The following ITGA11 variants were observed in gnomAD, a reference collection of about 807,000 sequenced individuals.
ITGA11 encodes integrin subunit alpha 11, also known as integrin alpha-11.
ITGA11 carries 97 observed loss-of-function variants against 141.9 expected under a neutral mutation model. The observed-to-expected ratio is 0.68, with a 90% CI of 0.58 to 0.81. The LOEUF (loss-of-function observed/expected upper bound fraction) is 0.81, where lower values mean the gene tolerates loss of function less well. Among genes scored for constraint, ITGA11 ranks in the 30% least tolerant of loss-of-function variants. The probability of loss-of-function intolerance (pLI) is 0.00; values close to 1 mark genes in which losing one functional copy is unlikely to be tolerated. For synonymous variants in ITGA11, 658 were observed against 624.6 expected (o/e 1.05, Z -0.80); for missense variants, 1,387 against 1,559.2 (o/e 0.89, Z 1.86).
rs11633421 is a variant in ITGA11, at chr15:68,321,104, C to G, written c.2408+314G>C. Among the ~76,000 whole-genome samples the G allele has an allele frequency of 0.11, 17,170 of 151,914 alleles. 1,283 individuals are homozygous for G. The highest frequency in any genetic ancestry group is 0.17 in the Non-Finnish European group (11,597 of 67,952). ...GGCTGAAGGACAAGCACCCAGAACT[C>G]CAGAGACTCCTGTCTCTACCTTTCA... On this transcript the variant is annotated intron_variant, in intron 19 of 29. Coordinates refer to ENST00000315757, the MANE Select transcript of ITGA11 (RefSeq NM_001004439.2). This position sits in a 1 kb window ranked among gnomAD's most constrained non-coding sequence, Gnocchi z 4.9.
chr15:68,353,178 T>C (rs1455871767), intron 7 of ITGA11, among the ~76,000 whole-genome samples: 1 of 152,062 alleles, frequency 6.6e-6, no homozygotes, highest in Non-Finnish European at 1.5e-5. Flanking sequence ...AATTTAGGAG[T>C]TGAGGAATTT....
chr15:68,367,776 C>T (rs762439665), intron 3 of ITGA11, among the ~76,000 whole-genome samples: 4 of 152,198 alleles, frequency 2.6e-5, no homozygotes, highest in Admixed American at 6.5e-5. Context: ...CGAGTCCAGC[C>T]TCCTTGCTTT....
At chr15:68,369,392 G>GGGGGGGGGGA in intron 2 of ITGA11, 108 bp from the exon 3 acceptor site, 4 of 187,566 alleles carry the variant, frequency 2.1e-5, no homozygotes, top group Admixed American at 6.7e-5. Context: ...GGGAGGGTGG[G>GGGGGGGGGGA]AGGGAACCCT....
In ITGA11 at chr15:68,326,250, C is replaced by A. The variant is rs955729624; in HGVS notation, c.2211+404G>T. Among the ~76,000 whole-genome samples, 1 of 152,198 alleles carries A rather than the reference C, an allele frequency of 6.6e-6. No homozygotes were observed. The highest frequency in any genetic ancestry group is 1.5e-5 in the Non-Finnish European group (1 of 68,042). On this transcript the variant is annotated intron_variant, in intron 17 of 29. Coordinates refer to ENST00000315757, the MANE Select transcript of ITGA11 (RefSeq NM_001004439.2). The surrounding 1 kb of genome is among the most constrained non-coding windows in gnomAD (Gnocchi z 6.8). ...ACTACCCTACTTGTGACATCACTGG[C>A]GCCCCTCTCTGTCTCACCTCCTGTT...
At chr15:68,331,516 A>C (rs545317829) in intron 14 of ITGA11, among the ~76,000 whole-genome samples, 2 of 150,784 alleles carry the variant, frequency 1.3e-5, no homozygotes, top group East Asian at 3.9e-4. Flanking sequence ...TTTCCAGAGA[A>C]GAGTGAGCCC....
intron 2 of ITGA11, among the ~76,000 whole-genome samples, chr15:68,372,167 T>TTC (rs995525108): frequency 6.6e-6 from 1 of 152,182 alleles, no homozygotes; most frequent in Non-Finnish European, 1.5e-5. Flanking sequence ...GGGTCAGCCC[T>TTC]TCTCTCCATT....
In ITGA11 at chr15:68,331,976, G is replaced by A. The variant is rs746212873; in HGVS notation, c.1653C>T (p.Asp551=). 1 of 1,613,174 alleles carries A rather than the reference G, an allele frequency of 6.2e-7. No individual in the cohort carries two copies. Among genetic ancestry groups the A allele is most frequent in the South Asian group, 1.1e-5 (1 of 90,766 alleles). ...CGTCATTGTAGGAATCCTGGTTGAGGTCTCGAACTGAGGCAATGGAGGACC... is the reference window on the plus strand; with the variant it reads ...CGTCATTGTAGGAATCCTGGTTGAGATCTCGAACTGAGGCAATGGAGGACC... ...RFGSSIASVR[D]LNQDSYNDVV... Residue 551 remains aspartate (D), a synonymous_variant, in exon 14 of 30, where the codon GAC becomes GAT. Transcript: ENST00000315757.
At chr15:68,421,469 T>C (rs1897015112) in intron 1 of ITGA11, among the ~76,000 whole-genome samples, 1 of 152,084 alleles carries the variant, frequency 6.6e-6, no homozygotes, top group Non-Finnish European at 1.5e-5. Context: ...CATGACATGA[T>C]GTGACCTACA....
At chr15:68,395,894 T>A (rs904935557) in intron 2 of ITGA11, among the ~76,000 whole-genome samples, 1 of 150,396 alleles carries the variant, frequency 6.6e-6, no homozygotes, top group Admixed American at 6.6e-5. Context: ...AAAAAAGAAG[T>A]TGAATCTATA....
chr15:68,364,444 T>C (rs917728249), intron 4 of ITGA11, among the ~76,000 whole-genome samples: 25 of 152,222 alleles, frequency 1.6e-4, no homozygotes, highest in African/African-American at 5.8e-4. Flanking sequence ...TCCTTCGGGA[T>C]ATGCACACAA....
chr15:68,403,799 C>T (rs1595893581), intron 1 of ITGA11, among the ~76,000 whole-genome samples: 2 of 151,754 alleles, frequency 1.3e-5, no homozygotes, highest in African/African-American at 2.4e-5. Flanking sequence ...TGTGCCTGGT[C>T]GATTTTTATT....
Position 68,300,999 on chromosome 15 carries a change from C to T in ITGA11, c.*2060G>A, listed in dbSNP as rs1893012491. 2.0e-5 allele frequency: 3 copies of T among 152,110 alleles called. No homozygotes were observed. The highest frequency in any genetic ancestry group is 7.2e-5 in the African/African-American group (3 of 41,422). The allele number at this position is 152,110 out of a possible 1,614,324, so 9.4% of individuals were successfully genotyped here. ...ATTAATTCTCATTTAGCCAGGTTAC[C>T]CCATTCATAAGAGTGATGACGGAAA... On this transcript the variant is annotated 3_prime_UTR_variant, in exon 30 of 30. Coordinates refer to ENST00000315757, the MANE Select transcript of ITGA11 (RefSeq NM_001004439.2).
At position 68,325,277 on chromosome 15, in the gene ITGA11, A is replaced by G; in HGVS notation, c.2212-36T>C. 7.2e-7 allele frequency: 1 copy of G among 1,391,170 alleles called. No homozygotes were observed. Among genetic ancestry groups the G allele is most frequent in the Non-Finnish European group, 1.0e-6 (1 of 977,066 alleles). The allele number at this position is 1,391,170 out of a possible 1,614,324, so 86.2% of individuals were successfully genotyped here. Reference sequence around the variant, plus strand: ...GAGATGAGGGCAGCGGTGAGGGAGGAGAGAACGTCATTTTATGAGCCAGGA... The same window carrying G: ...GAGATGAGGGCAGCGGTGAGGGAGGGGAGAACGTCATTTTATGAGCCAGGA... On this transcript the variant is annotated intron_variant, in intron 17 of 29. Coordinates refer to ENST00000315757, the MANE Select transcript of ITGA11 (RefSeq NM_001004439.2). The surrounding 1 kb of genome is among the most constrained non-coding windows in gnomAD (Gnocchi z 5.5).
At position 68,335,681 on chromosome 15, in the gene ITGA11, G is replaced by C. The variant is rs746795411; in HGVS notation, c.1425+16C>G. ...CCTCTTCCCTCCATCCCGGCCCCAG[G>C]CTCCCCCTCCATTACCTGCTGGCCC... On this transcript the variant is annotated intron_variant, in intron 12 of 29. Transcript: ENST00000315757. The surrounding 1 kb of genome is among the most constrained non-coding windows in gnomAD (Gnocchi z 4.9). The C allele has an allele frequency of 1.9e-6, 3 of 1,612,706 alleles. No homozygotes were observed. The highest frequency in any genetic ancestry group is 2.5e-6 in the Non-Finnish European group (3 of 1,179,332).
chr15:68,377,369 T>C (rs560249281), intron 2 of ITGA11, among the ~76,000 whole-genome samples: 14 of 152,100 alleles, frequency 9.2e-5, no homozygotes, highest in African/African-American at 3.4e-4. Flanking sequence ...CCCCGCTGGG[T>C]TCAAGCAATT....
intron 7 of ITGA11, among the ~76,000 whole-genome samples, chr15:68,352,165 C>G (rs2140333780): frequency 6.6e-6 from 1 of 151,604 alleles, no homozygotes; most frequent in East Asian, 1.9e-4. Flanking sequence ...AAATTGGAAT[C>G]TCTGGGGTGG....
Position 68,321,538 on chromosome 15 carries a change from T to A in ITGA11, c.2323-35A>T. The A allele has an allele frequency of 6.8e-7, 1 of 1,461,804 alleles. No homozygotes were observed. The allele number at this position is 1,461,804 out of a possible 1,614,324, so 90.6% of individuals were successfully genotyped here. The stretch of plus-strand genomic sequence containing the variant: ...GGAGAGCCAGGTGTGGGCAGCTGGG[T>A]AGGGACCCGCAGCCCCTCGCCCTCA... On this transcript the variant is annotated intron_variant, in intron 18 of 29. Coordinates refer to ENST00000315757, the MANE Select transcript of ITGA11 (RefSeq NM_001004439.2). This position sits in a 1 kb window ranked among gnomAD's most constrained non-coding sequence, Gnocchi z 4.9.
Position 68,351,258 on chromosome 15 carries a change from G to A in ITGA11, c.894C>T (p.Ala298=), listed in dbSNP as rs769391842. The A allele has an allele frequency of 1.7e-5, 27 of 1,613,690 alleles. No homozygotes were observed. Among genetic ancestry groups the A allele is most frequent in the South Asian group, 5.5e-5 (5 of 91,054 alleles). ...AGCCCTTGGGCGGGCCAGGACTTAC[G>A]GCCACCGCATATCTTGTTACGTTGT... ...ERDNVTRYAV[A]VLGYYNRRGI... Residue 298 remains alanine, a splice_region_variant and synonymous_variant, in exon 8 of 30, where the codon GCC becomes GCT. Transcript: ENST00000315757.
intron 2 of ITGA11, among the ~76,000 whole-genome samples, chr15:68,372,047 G>A (rs1184866018): frequency 1.3e-5 from 2 of 152,140 alleles, no homozygotes; most frequent in Non-Finnish European, 2.9e-5. Flanking sequence ...CCCAAGAGGG[G>A]AGCTGACCCA....
Sources: gnomAD v4.1 joint callset for allele counts (sites outside exome capture counted in the v4.1 genomes callset) on GRCh38, gnomAD v4.1.1 for gene constraint, Gnocchi (gnomAD v3.1) non-coding constraint, MANE v1.5 for transcripts, NCBI Gene and HGNC (gene_info 2026-07-23, HGNC 2026-07-21) for gene names.